The following ERICH3 variants were observed in gnomAD, a reference collection of about 807,000 sequenced individuals.
The protein encoded by ERICH3 is glutamate rich 3, also known as glutamate-rich protein 3.
In ERICH3, 126 loss-of-function variants were observed where a neutral mutation model predicts 131.1. That is an observed-to-expected ratio of 0.96 (90% CI 0.83 to 1.11). The LOEUF is 1.11. Among genes scored for constraint, ERICH3 ranks in the 50% most tolerant of loss-of-function variants. The pLI is 0.00. For synonymous variants in ERICH3, 695 were observed against 644.6 expected (o/e 1.08, Z -1.18); for missense variants, 2,050 against 1,810.7 (o/e 1.13, Z -2.40).
chr1:74,602,578 G>A (rs930974852), intron 10 of ERICH3, among the ~76,000 whole-genome samples: 3 of 151,712 alleles, frequency 2.0e-5, no homozygotes, highest in Non-Finnish European at 4.4e-5. Context: ...TTACATCAGC[G>A]ACTATTATGC....
chr1:74,669,256 C>A (rs543580611), intron 1 of ERICH3, among the ~76,000 whole-genome samples: 9 of 152,180 alleles, frequency 5.9e-5, no homozygotes, highest in African/African-American at 2.2e-4. Context: ...CCTAAACTAA[C>A]AAAAAATGCT....
chr1:74,613,569 T>C (rs1391023562), intron 8 of ERICH3, among the ~76,000 whole-genome samples: 1 of 152,214 alleles, frequency 6.6e-6, no homozygotes, highest in Admixed American at 6.5e-5. Flanking sequence ...ACTTTAAATA[T>C]TCTAAAACAT....
Position 74,631,881 on chromosome 1 carries a change from C to G in ERICH3, c.651G>C (p.Gln217His). 6.2e-7 allele frequency: 1 copy of G among 1,613,436 alleles called. No individual in the cohort carries two copies. The highest frequency in any genetic ancestry group is 1.1e-5 in the South Asian group (1 of 91,052). The stretch of plus-strand genomic sequence containing the variant: ...TTGGAAGTTGATATGAATTCATTCT[C>G]TGTGAATTGCCTATGGAGTTCCTGA... ...MKFRNSIGNS[Q>H]RMNSYQLPNI... The change falls in exon 7 of 15, where the codon CAG becomes CAC. Residue 217 changes from glutamine (Q) to histidine (H), a missense_variant. Gln to His is a conservative substitution (Grantham distance 24, BLOSUM62 0). Transcript: ENST00000326665.
rs1340078964 is a variant in ERICH3, at chr1:74,571,152, T to A, written c.4558A>T (p.Thr1520Ser). ...ACGTTGTTGGGGGAAACATCTGCAGTCTCGCTTTCTCCTTGCACCATATGC... is the reference window on the plus strand; with the variant it reads ...ACGTTGTTGGGGGAAACATCTGCAGACTCGCTTTCTCCTTGCACCATATGC... ...QQHMVQGESE[T>S]ADVSPNNVQV is the part of the protein sequence containing the mutation. Residue 1520 changes from threonine to serine, a missense_variant, in exon 14 of 15, where the codon ACT (threonine) becomes TCT (serine). Physicochemically the swap from Thr to Ser is moderately conservative, Grantham distance 58 (BLOSUM62 1). Transcript: ENST00000326665. 3.7e-6 allele frequency: 6 copies of A among 1,613,914 alleles called. No homozygotes were observed. The Admixed American group carries it at 6.7e-5, about 18-fold the overall frequency.
intron 13 of ERICH3, among the ~76,000 whole-genome samples, chr1:74,575,926 T>A (rs189168448): frequency 9.4e-6 from 1 of 105,850 alleles, no homozygotes; most frequent in Non-Finnish European, 1.8e-5. Flanking sequence ...AAAACATGAC[T>A]TTTTTTTATG....
At chr1:74,652,305 A>T (rs1009906612) in intron 1 of ERICH3, among the ~76,000 whole-genome samples, 1 of 151,764 alleles carries the variant, frequency 6.6e-6, no homozygotes, top group Admixed American at 6.6e-5. Context: ...GACCATCAAG[A>T]CTCCTTTCCA....
intron 8 of ERICH3, among the ~76,000 whole-genome samples, chr1:74,617,975 G>C (rs994720715): frequency 4.6e-5 from 7 of 152,110 alleles, no homozygotes; most frequent in African/African-American, 1.4e-4. Flanking sequence ...CAGGGAGATT[G>C]CTGGAGTCCA....
chr1:74,603,092 C>T (rs1648221880), intron 10 of ERICH3, among the ~76,000 whole-genome samples: 1 of 151,760 alleles, frequency 6.6e-6, no homozygotes. Flanking sequence ...GAAGAAGATA[C>T]CTAGAAGTTG....
chr1:74,659,515 A>C (rs1449627406), intron 1 of ERICH3, among the ~76,000 whole-genome samples: 3 of 152,204 alleles, frequency 2.0e-5, no homozygotes, highest in African/African-American at 7.2e-5. Flanking sequence ...ATAAACCCAA[A>C]GTGCTTATGT....
intron 3 of ERICH3, 39 bp downstream of exon 3, chr1:74,646,628 A>T (rs1472328345): frequency 9.1e-7 from 1 of 1,094,922 alleles, no homozygotes; most frequent in African/African-American, 1.7e-5. Context: ...GGAAGTAGAA[A>T]AAAATAAAAT....
intron 1 of ERICH3, 72 bp downstream of exon 1, chr1:74,673,425 G>A: frequency 6.3e-7 from 1 of 1,576,304 alleles, no homozygotes; most frequent in African/African-American, 1.4e-5. Context: ...TCCGCAGCAG[G>A]AGGGAGGAGG....
At chr1:74,666,832 CAT>C (rs1439248812) in intron 1 of ERICH3, among the ~76,000 whole-genome samples, 35 of 152,286 alleles carry the variant, frequency 2.3e-4, no homozygotes, top group East Asian at 3.9e-4. Context: ...GTGCAAAACA[CAT>C]GATTGTGTGT....
intron 10 of ERICH3, among the ~76,000 whole-genome samples, chr1:74,602,400 C>A (rs1434375874): frequency 1.3e-5 from 2 of 151,918 alleles, no homozygotes; most frequent in Admixed American, 6.6e-5. Context: ...TTTCTAAAAT[C>A]TTTTACATAA....
chr1:74,582,960 C>G (rs184046917), intron 12 of ERICH3, among the ~76,000 whole-genome samples: 1 of 152,150 alleles, frequency 6.6e-6, no homozygotes, highest in East Asian at 1.9e-4. Context: ...TATTTTGTTT[C>G]TTTCTTTCTC....
At position 74,656,839 on chromosome 1, in the gene ERICH3, C is replaced by T. The variant is rs1646589420; in HGVS notation, c.24-7524G>A. Among the ~76,000 whole-genome samples the T allele has an allele frequency of 2.0e-5, 3 of 152,108 alleles. No individual in the cohort carries two copies. In the South Asian group the frequency reaches 6.2e-4, roughly 32 times the overall value. ...CCATAAAATTGTACCTATCTCTTTCCTAGGGTCCTTGTCTCACCACCTTCC... is the reference window on the plus strand; with the variant it reads ...CCATAAAATTGTACCTATCTCTTTCTTAGGGTCCTTGTCTCACCACCTTCC... On this transcript the variant is annotated intron_variant, in intron 1 of 14. Transcript: ENST00000326665.
chr1:74,654,394 G>A (rs1646564911), intron 1 of ERICH3, among the ~76,000 whole-genome samples: 1 of 151,250 alleles, frequency 6.6e-6, no homozygotes, highest in Non-Finnish European at 1.5e-5. Context: ...ATATCCTACA[G>A]TAGGATATGT....
At chr1:74,648,557 C>T (rs550253710) in intron 2 of ERICH3, among the ~76,000 whole-genome samples, 16 of 152,262 alleles carry the variant, frequency 1.1e-4, no homozygotes, top group African/African-American at 3.4e-4. Context: ...AAATGCAATA[C>T]GTGCTCTTTC....
At chr1:74,578,756 G>A (rs928561574) in intron 12 of ERICH3, among the ~76,000 whole-genome samples, 8 of 148,736 alleles carry the variant, frequency 5.4e-5, no homozygotes, top group African/African-American at 1.7e-4. Flanking sequence ...CGGATATAAC[G>A]GATTTACTTT....
chr1:74,672,777 G>A (rs1437703141), intron 1 of ERICH3, among the ~76,000 whole-genome samples: 2 of 149,458 alleles, frequency 1.3e-5, no homozygotes, highest in South Asian at 4.3e-4. Flanking sequence ...AATAAAAAAA[G>A]AAACTTTTTT....
Sources: gnomAD v4.1 joint callset for allele counts (sites outside exome capture counted in the v4.1 genomes callset) on GRCh38, gnomAD v4.1.1 for gene constraint, MANE v1.5 for transcripts, NCBI Gene and HGNC (gene_info 2026-07-23, HGNC 2026-07-21) for gene names.